Variants in PRRC2B observed in about 807,000 individuals in gnomAD.
PRRC2B encodes the protein protein PRRC2B.
PRRC2B carries 68 observed loss-of-function variants against 242.3 expected under a neutral mutation model. The observed-to-expected ratio is 0.28, with a 90% CI of 0.23 to 0.34. The LOEUF (loss-of-function observed/expected upper bound fraction) is 0.34. Ranked by LOEUF, PRRC2B falls within the 10% of genes least tolerant of loss-of-function variation. PRRC2B has a pLI of 1.00. For missense variants in PRRC2B, 2,835 were observed against 2,954.8 expected, an observed-to-expected ratio of 0.96 and a Z score of 0.94; for synonymous variants, 1,228 against 1,173.6, an observed-to-expected ratio of 1.05 and a Z score of -0.95.
At chr9:131,432,480 C>A in intron 2 of PRRC2B, 137 bp from the exon 3 acceptor site, 1 of 744,100 alleles carries the variant, frequency 1.3e-6, no homozygotes. Flanking sequence ...TGTCCCACTG[C>A]TGGTCTGCCC....
Position 131,470,863 on chromosome 9 carries a change from C to T in PRRC2B, c.1987C>T (p.His663Tyr), listed in dbSNP as rs768108366. 6.2e-7 allele frequency: 1 copy of T among 1,607,174 alleles called. No homozygotes were observed. Among genetic ancestry groups the T allele is most frequent in the Non-Finnish European group, 8.5e-7 (1 of 1,175,084 alleles). ...CCACCCCCAGCGCACCTTTTACCCA[C>T]ACCACCCCCAGATGTTGGGCTTCGA... ...PSHPQRTFYP[H>Y]HPQMLGFDPR... Residue 663 changes from histidine (H) to tyrosine (Y), a missense_variant, in exon 14 of 32, where the codon CAC becomes TAC. Transcript: ENST00000683519.
At chr9:131,379,083 A>G (rs1381581935) in intron 1 of PRRC2B, among the ~76,000 whole-genome samples, 1 of 152,170 alleles carries the variant, frequency 6.6e-6, no homozygotes, top group Non-Finnish European at 1.5e-5. Flanking sequence ...GGAATCATGC[A>G]ATACCTGGCC....
chr9:131,415,228 C>A (rs1419848701), intron 1 of PRRC2B, among the ~76,000 whole-genome samples: 2 of 152,130 alleles, frequency 1.3e-5, no homozygotes, highest in African/African-American at 2.4e-5. Context: ...CTCCGGACCT[C>A]AGGTGATCCA....
chr9:131,449,668 T>TA (rs1423781608), intron 9 of PRRC2B, among the ~76,000 whole-genome samples: 2 of 152,190 alleles, frequency 1.3e-5, no homozygotes, highest in Non-Finnish European at 2.9e-5. Context: ...ATTTTGCAAA[T>TA]ATATTTCCTT....
At chr9:131,392,648 C>T (rs116012459), upstream of PRRC2B, among the ~76,000 whole-genome samples, 512 of 152,074 alleles carry the variant, frequency 3.4e-3, 1 homozygote, top group Middle Eastern at 0.014. Context: ...ACAGAGTGGC[C>T]GGCACTGTAA....
In PRRC2B at chr9:131,487,225, A is replaced by G. The variant is rs1297271843; in HGVS notation, c.5915A>G (p.Gln1972Arg). ...SLHTSLQAQA[Q>R]LGLRGGLPVS... ...CACACATCTCTGCAGGCACAAGCTC[A>G]GCTTGGACTGAGGGGTGGGCTTCCT... The change falls in exon 27 of 32, where the codon CAG (glutamine) becomes CGG (arginine). Residue 1972 changes from glutamine (Q) to arginine (R), a missense_variant. Gln to Arg is a conservative substitution (Grantham distance 43). Around this residue, in one of 7 missense-constraint regions of PRRC2B, gnomAD observed 574 missense variants for 626.0 expected, o/e 0.92. Coordinates refer to ENST00000683519, the MANE Select transcript of PRRC2B (RefSeq NM_013318.4). This position sits in a 1 kb window ranked among gnomAD's most constrained non-coding sequence, Gnocchi z 5.3. 1 of 1,613,608 alleles carries G rather than the reference A, an allele frequency of 6.2e-7. No individual in the cohort carries two copies. Among genetic ancestry groups the G allele is most frequent in the South Asian group, 1.1e-5 (1 of 91,024 alleles).
At position 131,475,956 on chromosome 9, in the gene PRRC2B, C is replaced by T. The variant is rs11243403; in HGVS notation, c.3827C>T (p.Ala1276Val). ...GGCCGGGGCTTTGAGGACAGCCGCGCGGAGGACAAGAGATCCTTCTTCCAA... is the reference window on the plus strand; with the variant it reads ...GGCCGGGGCTTTGAGGACAGCCGCGTGGAGGACAAGAGATCCTTCTTCCAA... ...FGGRGFEDSR[A>V]EDKRSFFQDE... Residue 1276 changes from alanine (A) to valine (V), a missense_variant, in exon 16 of 32, where the codon GCG becomes GTG. Physicochemically the swap from Ala to Val is moderately conservative, Grantham distance 64. Around this residue, in one of 7 missense-constraint regions of PRRC2B, gnomAD observed 1,536 missense variants for 1,483.1 expected, o/e 1.04. Transcript: ENST00000683519. The T allele has an allele frequency of 0.55, 884,719 of 1,613,084 alleles. 254,247 individuals are homozygous for T. Among genetic ancestry groups the T allele is most frequent in the Non-Finnish European group, 0.6 (710,564 of 1,179,342 alleles).
chr9:131,394,025 C>G (rs1038974540), upstream of PRRC2B: 1 of 149,566 alleles, frequency 6.7e-6, no homozygotes, highest in Non-Finnish European at 1.5e-5. Context: ...AGGAGGAGGA[C>G]GAGGAGGCGG....
chr9:131,442,697 T>C (rs1838638717), intron 5 of PRRC2B, among the ~76,000 whole-genome samples: 1 of 152,200 alleles, frequency 6.6e-6, no homozygotes, highest in South Asian at 2.1e-4. Context: ...TTTAGCTGTA[T>C]AGGGAACAAG....
At position 131,432,678 on chromosome 9, in the gene PRRC2B, G is replaced by T; in HGVS notation, c.177G>T (p.Pro59=). The T allele has an allele frequency of 6.2e-7, 1 of 1,613,978 alleles. No individual in the cohort carries two copies. The highest frequency in any genetic ancestry group is 8.5e-7 in the Non-Finnish European group (1 of 1,179,902). Residue 59 remains proline, a synonymous_variant, in exon 3 of 32, where the codon CCG becomes CCT. Transcript: ENST00000683519. ...GKVAAARRMP[P]PANLPSLKSE... ...TTGCTGCAGCCCGGCGCATGCCACC[G>T]CCTGCAAACCTGCCAAGCTTGAAGT...
intron 1 of PRRC2B, among the ~76,000 whole-genome samples, chr9:131,376,296 G>C (rs1256072972): frequency 1.3e-5 from 2 of 151,864 alleles, no homozygotes; most frequent in African/African-American, 4.8e-5. Context: ...GGAGGTTGCA[G>C]TGAGCGGAGA....
At chr9:131,415,621 G>T (rs1419117274) in intron 1 of PRRC2B, among the ~76,000 whole-genome samples, 1 of 152,160 alleles carries the variant, frequency 6.6e-6, no homozygotes, top group Non-Finnish European at 1.5e-5. Context: ...ACTTGACTTG[G>T]TCAGCTGAGT....
chr9:131,416,343 A>G (rs2994041), intron 1 of PRRC2B, among the ~76,000 whole-genome samples: 147,640 of 152,218 alleles, frequency 0.97, 71,755 homozygotes, highest in East Asian at 1. Flanking sequence ...CCCTGACCTC[A>G]TGATCTGCCG....
chr9:131,482,989 T>C lies in PRRC2B; in HGVS notation c.5373+82T>C, dbSNP rs1479423364. ...GAGAGGCTGGGGGCTCAGATGGGAT[T>C]GTCTCCTAGAAGGAATAGAAGGATG... is the stretch of plus-strand genomic sequence containing the variant. On this transcript the variant is annotated intron_variant, in intron 22 of 31. Coordinates refer to ENST00000683519, the MANE Select transcript of PRRC2B (RefSeq NM_013318.4). This position sits in a 1 kb window ranked among gnomAD's most constrained non-coding sequence, Gnocchi z 5.2. The C allele has an allele frequency of 1.4e-6, 2 of 1,480,848 alleles. No homozygotes were observed. Among genetic ancestry groups the C allele is most frequent in the East Asian group, 2.5e-5 (1 of 40,626 alleles). The allele number at this position is 1,480,848 out of a possible 1,614,324, so 91.7% of individuals were successfully genotyped here.
intron 18 of PRRC2B, 125 bp from the exon 19 acceptor site, chr9:131,479,127 C>A: frequency 1.1e-6 from 1 of 943,364 alleles, no homozygotes; most frequent in South Asian, 1.7e-5. Flanking sequence ...GGGAGACGAG[C>A]GTTCCACACA....
At chr9:131,451,709 C>CTGTTTTTCAGAGA (rs1271969428) in intron 9 of PRRC2B, among the ~76,000 whole-genome samples, 4 of 152,066 alleles carry the variant, frequency 2.6e-5, no homozygotes, top group Admixed American at 2.0e-4. Context: ...TTCAGAGATG[C>CTGTTTTTCAGAGA]TGTTTATCAG....
chr9:131,420,496 T>TCCTTC (rs59621148), intron 1 of PRRC2B, among the ~76,000 whole-genome samples: 5 of 75,894 alleles, frequency 6.6e-5, no homozygotes, highest in African/African-American at 2.1e-4. Flanking sequence ...TTTCTTTCTT[T>TCCTTC]TTTTTTTTTT....
chr9:131,492,297 T>C (rs1243834208), intron 30 of PRRC2B, 37 bp downstream of exon 30: 1 of 1,544,874 alleles, frequency 6.5e-7, no homozygotes, highest in Admixed American at 1.7e-5. Context: ...GCTGTGTAGC[T>C]GAGCAGTTGC....
intron 2 of PRRC2B, 51 bp downstream of exon 2, chr9:131,430,310 A>T (rs372256126): frequency 8.5e-7 from 1 of 1,179,682 alleles, no homozygotes; most frequent in Non-Finnish European, 1.2e-6. Context: ...CGAGTGACAT[A>T]TCCCAGAAAC....
Sources: gnomAD v4.1 joint callset for allele counts (sites outside exome capture counted in the v4.1 genomes callset) on GRCh38, gnomAD v4.1.1 for gene constraint, gnomAD v4.1.1 regional missense constraint, Gnocchi (gnomAD v3.1) non-coding constraint, MANE v1.5 for transcripts, NCBI Gene and HGNC (gene_info 2026-07-23, HGNC 2026-07-21) for gene names.